The following LARGE1 variants were observed in gnomAD, a reference collection of about 807,000 sequenced individuals.
The protein encoded by LARGE1 is LARGE xylosyl- and glucuronyltransferase 1, also known as xylosyl- and glucuronyltransferase LARGE1.
A neutral mutation model predicts 87.6 loss-of-function variants in LARGE1; 43 were observed. The ratio of observed to expected loss-of-function variants is 0.49; its 90% CI spans 0.38 to 0.63. The LOEUF is 0.63. LARGE1 is among the 30% of genes least tolerant of loss of function. The pLI, the probability that LARGE1 is intolerant of heterozygous loss-of-function variation, is 0.00. For missense variants in LARGE1, 802 were observed against 1,000.2 expected (o/e 0.80, Z 2.67); for synonymous variants, 434 against 394.6 (o/e 1.10, Z -1.18).
chr22:33,389,798 CTGCATCA>C (rs1357949241), intron 7 of LARGE1, among the ~76,000 whole-genome samples: 1 of 152,044 alleles, frequency 6.6e-6, no homozygotes, highest in African/African-American at 2.4e-5. Flanking sequence ...TGAGCCGCGA[CTGCATCA>C]CTGTACTCCA....
intron 2 of LARGE1, among the ~76,000 whole-genome samples, chr22:33,676,982 A>G (rs910350312): frequency 6.6e-6 from 1 of 152,226 alleles, no homozygotes; most frequent in Non-Finnish European, 1.5e-5. Flanking sequence ...CAAAAGTTTT[A>G]CTTTTCATAA....
intron 1 of LARGE1, among the ~76,000 whole-genome samples, chr22:33,774,957 C>T (rs1364999314): frequency 6.6e-6 from 1 of 152,074 alleles, no homozygotes; most frequent in East Asian, 1.9e-4. Context: ...GAAGCTTTGC[C>T]GTAATACAGG....
intron 11 of LARGE1, among the ~76,000 whole-genome samples, chr22:33,255,521 T>A (rs1927219256): frequency 6.6e-6 from 1 of 152,162 alleles, no homozygotes; most frequent in Non-Finnish European, 1.5e-5. Context: ...AATGAGAGCA[T>A]CAAACCCAGA....
At chr22:33,875,773 G>A (rs1176196880) in intron 1 of LARGE1, among the ~76,000 whole-genome samples, 2 of 152,118 alleles carry the variant, frequency 1.3e-5, no homozygotes, top group Non-Finnish European at 2.9e-5. Flanking sequence ...AAGTGGAAGC[G>A]GGAAACACAG....
At chr22:33,804,175 G>A (rs2086244329) in intron 1 of LARGE1, among the ~76,000 whole-genome samples, 2 of 152,300 alleles carry the variant, frequency 1.3e-5, no homozygotes, top group Middle Eastern at 3.4e-3. Context: ...TGGGAAGTTA[G>A]TCAGTGATTC....
the LARGE1 span, among the ~76,000 whole-genome samples, chr22:33,081,323 T>C: frequency 6.6e-6 from 1 of 152,188 alleles, no homozygotes; most frequent in Non-Finnish European, 1.5e-5. Context: ...CAATAGAAAG[T>C]AACTGGAGAA....
At chr22:33,217,452 G>A (rs1925262846) in intron 11 of LARGE1, among the ~76,000 whole-genome samples, 1 of 152,160 alleles carries the variant, frequency 6.6e-6, no homozygotes, top group Admixed American at 6.5e-5. Context: ...AGCTATGGCA[G>A]CACAGATTAG....
the LARGE1 span, among the ~76,000 whole-genome samples, chr22:33,112,960 T>C: frequency 6.6e-6 from 1 of 152,088 alleles, no homozygotes. Flanking sequence ...GAAATAAAAA[T>C]CCAAGAGAAA....
intron 1 of LARGE1, among the ~76,000 whole-genome samples, chr22:33,771,988 C>T (rs1180127723): frequency 6.6e-6 from 1 of 152,184 alleles, no homozygotes; most frequent in African/African-American, 2.4e-5. Context: ...GCTACCATCG[C>T]CCCATGCCCG....
At chr22:33,614,214 C>T (rs2079519004) in intron 4 of LARGE1, among the ~76,000 whole-genome samples, 1 of 152,124 alleles carries the variant, frequency 6.6e-6, no homozygotes, top group African/African-American at 2.4e-5. Context: ...CAGTTATTGT[C>T]AGATCGATTG....
intron 1 of LARGE1, among the ~76,000 whole-genome samples, chr22:33,829,602 T>C (rs1415519493): frequency 6.6e-6 from 1 of 152,154 alleles, no homozygotes; most frequent in African/African-American, 2.4e-5. Context: ...CTCCCAGCCT[T>C]AATAGTTCCT....
At chr22:33,760,894 T>G (rs1045592135) in intron 2 of LARGE1, among the ~76,000 whole-genome samples, 10 of 152,044 alleles carry the variant, frequency 6.6e-5, no homozygotes, top group Non-Finnish European at 1.3e-4. Flanking sequence ...CACTCCAGCC[T>G]GGTAACAGAG....
chr22:33,230,260 T>C (rs144007586), intron 11 of LARGE1, among the ~76,000 whole-genome samples: 2,015 of 152,034 alleles, frequency 0.013, 38 homozygotes, highest in African/African-American at 0.046. Context: ...AATCTCGTAA[T>C]CCACCCACCT....
the LARGE1 span, among the ~76,000 whole-genome samples, chr22:33,092,566 T>G: frequency 6.6e-6 from 1 of 152,190 alleles, no homozygotes; most frequent in Non-Finnish European, 1.5e-5. Flanking sequence ...ACCCATTAGC[T>G]AGGTATTAAG....
At chr22:33,348,987 G>A (rs895199495) in intron 9 of LARGE1, among the ~76,000 whole-genome samples, 18 of 151,998 alleles carry the variant, frequency 1.2e-4, no homozygotes, top group African/African-American at 3.6e-4. Context: ...CTTGCCTGCC[G>A]CCATGTAAGA....
chr22:33,749,720 G>A (rs904198308), intron 2 of LARGE1, among the ~76,000 whole-genome samples: 6 of 152,224 alleles, frequency 3.9e-5, no homozygotes, highest in Admixed American at 6.5e-5. Context: ...GAATTTTTTC[G>A]TTATACTGGC....
chr22:33,697,265 G>A (rs1253997565), intron 2 of LARGE1, among the ~76,000 whole-genome samples: 1 of 152,130 alleles, frequency 6.6e-6, no homozygotes, highest in South Asian at 2.1e-4. Flanking sequence ...TGCTTATACA[G>A]ATCTCAGCAG....
intron 6 of LARGE1, among the ~76,000 whole-genome samples, chr22:33,487,152 C>T (rs1183790893): frequency 2.6e-5 from 4 of 152,200 alleles, no homozygotes; most frequent in Admixed American, 6.5e-5. Flanking sequence ...CAACAGTAAA[C>T]TTATGCTTAT....
At chr22:33,171,488 GA>G (rs2146138409) in intron 11 of LARGE1, among the ~76,000 whole-genome samples, 1 of 152,332 alleles carries the variant, frequency 6.6e-6, no homozygotes, top group Non-Finnish European at 1.5e-5. Context: ...GCCTAGGAGG[GA>G]AAAGTGGTTT....
Sources: gnomAD v4.1 joint callset for allele counts (sites outside exome capture counted in the v4.1 genomes callset) on GRCh38, gnomAD v4.1.1 for gene constraint, MANE v1.5 for transcripts, NCBI Gene and HGNC (gene_info 2026-07-23, HGNC 2026-07-21) for gene names.